AGBL1: variants seen among roughly 807,000 people sequenced by gnomAD.
AGBL1 encodes AGBL carboxypeptidase 1, also known as cytosolic carboxypeptidase 4.
Under a neutral mutation model 118.9 loss-of-function variants are expected in AGBL1, and 130 were observed. That is an observed-to-expected ratio of 1.09 (90% confidence interval 0.95 to 1.26). The LOEUF (loss-of-function observed/expected upper bound fraction) is 1.26. Ranked by LOEUF, AGBL1 falls within the 50% of genes most tolerant of loss-of-function variation. The pLI, the probability that AGBL1 is intolerant of heterozygous loss-of-function variation, is 0.00. For synonymous variants in AGBL1, 555 were observed against 478.9 expected, an observed-to-expected ratio of 1.16 and a Z score of -2.08; for missense variants, 1,584 against 1,298.1, an observed-to-expected ratio of 1.22 and a Z score of -3.38.
chr15:86,203,597 C>T (rs2077942387), intron 5 of AGBL1, among the ~76,000 whole-genome samples: 1 of 152,176 alleles, frequency 6.6e-6, no homozygotes, highest in Non-Finnish European at 1.5e-5. Context: ...ACTTCAGCAT[C>T]TTTGCTACCT....
intron 21 of AGBL1, among the ~76,000 whole-genome samples, chr15:86,597,766 C>A (rs558001463): frequency 2.6e-5 from 4 of 152,002 alleles, no homozygotes; most frequent in Admixed American, 6.6e-5. Context: ...ATTTGGAAAG[C>A]TTTATAAGTG....
intron 6 of AGBL1, among the ~76,000 whole-genome samples, chr15:86,229,328 G>A: frequency 6.6e-6 from 1 of 152,104 alleles, no homozygotes; most frequent in East Asian, 1.9e-4. Flanking sequence ...AGAAGGGGAA[G>A]CAAACATGTC....
intron 17 of AGBL1, among the ~76,000 whole-genome samples, chr15:86,389,426 A>G (rs945983612): frequency 5.3e-5 from 8 of 152,156 alleles, no homozygotes; most frequent in Non-Finnish European, 1.2e-4. Context: ...GCCCAGCAAA[A>G]ATATTTTTCA....
chr15:86,749,000 T>C (rs1012627502), intron 22 of AGBL1, among the ~76,000 whole-genome samples: 8 of 152,172 alleles, frequency 5.3e-5, no homozygotes, highest in African/African-American at 1.9e-4. Flanking sequence ...TGGGCTCTTT[T>C]TTGGTTCCAT....
chr15:87,016,352 G>A (rs1021756965), intron 24 of AGBL1, among the ~76,000 whole-genome samples: 4 of 152,188 alleles, frequency 2.6e-5, no homozygotes, highest in Admixed American at 1.3e-4. Flanking sequence ...ACTCAGCCTG[G>A]AGGAGTTAGA....
chr15:86,856,659 G>A (rs1473113121), intron 22 of AGBL1, among the ~76,000 whole-genome samples: 1 of 152,204 alleles, frequency 6.6e-6, no homozygotes, highest in African/African-American at 2.4e-5. Context: ...GCACAGTATA[G>A]CCACCATTAT....
intron 1 of AGBL1, among the ~76,000 whole-genome samples, chr15:86,094,552 G>C (rs1164156729): frequency 6.6e-6 from 1 of 152,058 alleles, no homozygotes; most frequent in Non-Finnish European, 1.5e-5. Context: ...TTGGGCAGAG[G>C]GGAGATTGAT....
intron 24 of AGBL1, among the ~76,000 whole-genome samples, chr15:87,003,341 G>A (rs562355217): frequency 1.3e-5 from 2 of 151,456 alleles, no homozygotes; most frequent in East Asian, 1.9e-4. Context: ...CTTGATCATG[G>A]TGGATAAGGT....
intron 23 of AGBL1, among the ~76,000 whole-genome samples, chr15:86,923,159 C>T (rs545149175): frequency 6.6e-6 from 1 of 152,332 alleles, no homozygotes; most frequent in East Asian, 1.9e-4. Context: ...CTCTCTCTTA[C>T]ACCAGATAAC....
At chr15:86,215,409 ACTTT>A (rs1335942663) in intron 5 of AGBL1, among the ~76,000 whole-genome samples, 1 of 151,888 alleles carries the variant, frequency 6.6e-6, no homozygotes, top group Non-Finnish European at 1.5e-5. Flanking sequence ...TTGGTTCTTC[ACTTT>A]CTTTTTCCGC....
At chr15:86,993,829 G>A (rs2081354443) in intron 24 of AGBL1, among the ~76,000 whole-genome samples, 2 of 152,006 alleles carry the variant, frequency 1.3e-5, no homozygotes, top group Non-Finnish European at 1.5e-5. Context: ...TATTAGCGCT[G>A]GCCTGCTTTG....
At chr15:86,310,534 G>A (rs1005952517) in intron 17 of AGBL1, among the ~76,000 whole-genome samples, 53 of 152,046 alleles carry the variant, frequency 3.5e-4, no homozygotes, top group Admixed American at 1.3e-4. Flanking sequence ...TCTGCTGGGG[G>A]TGGCCCTGAA....
intron 23 of AGBL1, among the ~76,000 whole-genome samples, chr15:86,980,885 C>CTT (rs36077192): frequency 0.034 from 4,092 of 118,904 alleles, 393 homozygotes; most frequent in African/African-American, 0.13. Context: ...CAGAAACATC[C>CTT]TTTTTTTTTT....
chr15:86,997,270 G>A (rs2594331), intron 24 of AGBL1, among the ~76,000 whole-genome samples: 61,100 of 151,878 alleles, frequency 0.4, 14,750 homozygotes, highest in Non-Finnish European at 0.55. Context: ...CCAAATGCAT[G>A]GCCAACTTCC....
At chr15:86,230,873 C>T (rs2078444292) in intron 6 of AGBL1, among the ~76,000 whole-genome samples, 1 of 152,144 alleles carries the variant, frequency 6.6e-6, no homozygotes, top group Non-Finnish European at 1.5e-5. Context: ...CGGCTCCCAT[C>T]AATTAGCCCC....
chr15:86,294,676 A>G lies in AGBL1; in HGVS notation c.2221-579A>G, dbSNP rs543410537. 4.6e-5 allele frequency among the ~76,000 whole-genome samples: 7 copies of G among 151,796 alleles called. No homozygotes were observed. The South Asian group carries it at 1.3e-3, about 27-fold the overall frequency. ...TTCCCCAGTGTTCTGGGCATGTTCT[A>G]TTTTCATGATAACCACATTTTTTTT... is the stretch of plus-strand genomic sequence containing the variant. On this transcript the variant is annotated intron_variant, in intron 16 of 22. Transcript: ENST00000614907.
At chr15:86,722,310 T>C (rs1369122374) in intron 22 of AGBL1, among the ~76,000 whole-genome samples, 1 of 152,116 alleles carries the variant, frequency 6.6e-6, no homozygotes, top group African/African-American at 2.4e-5. Context: ...AAAACAGAGA[T>C]ATAGACCAAT....
chr15:86,218,616 G>C lies in AGBL1; in HGVS notation c.489-6298G>C, dbSNP rs150913658. On this transcript the variant is annotated intron_variant, in intron 5 of 22. Coordinates refer to ENST00000614907, the MANE Select transcript of AGBL1 (RefSeq NM_001386094.1). ...TATATTACATAATTGTGTTATAAGAGGTCATTGCATATGTACTCTCTATAG... is the reference window on the plus strand; with the variant it reads ...TATATTACATAATTGTGTTATAAGACGTCATTGCATATGTACTCTCTATAG... 7.4e-3 allele frequency among the ~76,000 whole-genome samples: 1,134 copies of C among 152,314 alleles called. 16 individuals are homozygous for C. Among genetic ancestry groups the C allele is most frequent in the African/African-American group, 0.024 (1,010 of 41,570 alleles).
intron 21 of AGBL1, among the ~76,000 whole-genome samples, chr15:86,645,569 G>C (rs2085263580): frequency 6.6e-6 from 1 of 152,136 alleles, no homozygotes; most frequent in African/African-American, 2.4e-5. Context: ...TAGGTCTTCT[G>C]ACCATCTCCT....
Sources: allele counts gnomAD v4.1 joint callset (sites outside exome capture counted in the v4.1 genomes callset), GRCh38; gene constraint gnomAD v4.1.1; transcripts MANE v1.5; gene names NCBI Gene and HGNC (gene_info 2026-07-23, HGNC 2026-07-21).